Variants in ANO5 observed in about 807,000 individuals in gnomAD.
ANO5 encodes anoctamin-5.
In ANO5, 109 loss-of-function variants were observed where a neutral mutation model predicts 121.0. The observed-to-expected ratio is 0.90, with a 90% CI of 0.77 to 1.06. The LOEUF is 1.06. Ranked by LOEUF, ANO5 falls within the 50% of genes least tolerant of loss-of-function variation. The pLI is 0.00. For synonymous variants in ANO5, 406 were observed against 359.9 expected (o/e 1.13, Z -1.45); for missense variants, 1,064 against 1,078.5 (o/e 0.99, Z 0.19).
At chr11:22,277,465 A>T (rs187366731) in intron 21 of ANO5, among the ~76,000 whole-genome samples, 7 of 151,718 alleles carry the variant, frequency 4.6e-5, no homozygotes, top group African/African-American at 1.7e-4. Context: ...TTAATATTTA[A>T]TCTCAATTCT....
At chr11:22,226,303 G>A (rs1852830354) in intron 6 of ANO5, among the ~76,000 whole-genome samples, 2 of 152,034 alleles carry the variant, frequency 1.3e-5, no homozygotes, top group Admixed American at 1.3e-4. Context: ...GAAAGAAGAT[G>A]TGGACTTTTT....
At chr11:22,253,930 G>A (rs1275457982) in intron 12 of ANO5, among the ~76,000 whole-genome samples, 1 of 152,116 alleles carries the variant, frequency 6.6e-6, no homozygotes, top group Non-Finnish European at 1.5e-5. Context: ...TAATCAATAA[G>A]CATACTTTAA....
chr11:22,274,889 T>G, intron 20 of ANO5, 142 bp downstream of exon 20: 1 of 1,148,168 alleles, frequency 8.7e-7, no homozygotes, highest in Non-Finnish European at 1.3e-6. Context: ...GTATCCATTC[T>G]AGAATTCACA....
At position 22,277,600 on chromosome 11, in the gene ANO5, T is replaced by C. The variant is rs1011484349; in HGVS notation, c.2520+1401T>C. On this transcript the variant is annotated intron_variant, in intron 21 of 21. Coordinates refer to ENST00000324559, the MANE Select transcript of ANO5 (RefSeq NM_213599.3). ...TTTCCTGTCTTATATTCTGAACATA[T>C]TTCTTTTATTATAATTGTACTTTTC... Among the ~76,000 whole-genome samples, 6 of 151,548 alleles carry C rather than the reference T, an allele frequency of 4.0e-5. 1 individual carries two copies. Among genetic ancestry groups the C allele is most frequent in the Non-Finnish European group, 5.9e-5 (4 of 67,636 alleles).
intron 17 of ANO5, among the ~76,000 whole-genome samples, chr11:22,266,960 G>A (rs7931070): frequency 2.0e-5 from 3 of 152,004 alleles, no homozygotes; most frequent in East Asian, 1.9e-4. Flanking sequence ...TGGAAACCAC[G>A]GCTTTAGATG....
chr11:22,223,237 C>T (rs4414211), intron 5 of ANO5, among the ~76,000 whole-genome samples: 104,987 of 151,794 alleles, frequency 0.69, 37,849 homozygotes, highest in Non-Finnish European at 0.81. Flanking sequence ...CTTATGGAGA[C>T]GTTTTATTAC....
chr11:22,274,163 TACACACAC>T (rs34022294), intron 19 of ANO5, among the ~76,000 whole-genome samples: 10 of 143,844 alleles, frequency 7.0e-5, no homozygotes, highest in African/African-American at 2.1e-4. Flanking sequence ...GTTAATCTCT[TACACACAC>T]ACACACACAC....
intron 1 of ANO5, among the ~76,000 whole-genome samples, chr11:22,203,177 A>G (rs1390759616): frequency 1.3e-5 from 2 of 150,334 alleles, no homozygotes; most frequent in Non-Finnish European, 2.9e-5. Flanking sequence ...CAAAAAAAAT[A>G]TATAGGAAGT....
chr11:22,243,110 G>T (rs1046787909), intron 9 of ANO5, among the ~76,000 whole-genome samples: 1 of 151,742 alleles, frequency 6.6e-6, no homozygotes, highest in Non-Finnish European at 1.5e-5. Context: ...TTTTAATCAT[G>T]AATGGAAAGG....
chr11:22,236,091 T>G, intron 7 of ANO5, 72 bp from the exon 8 acceptor site: 2 of 989,414 alleles, frequency 2.0e-6, no homozygotes, highest in Non-Finnish European at 3.2e-6. Context: ...CATTGTTAAA[T>G]TGTGATTGAA....
chr11:22,257,824 A>AC (rs1317443879), intron 14 of ANO5, 70 bp downstream of exon 14: 2 of 1,285,994 alleles, frequency 1.6e-6, no homozygotes, highest in African/African-American at 2.9e-5. Flanking sequence ...CAACAGTGTT[A>AC]CCTACAATGT....
intron 20 of ANO5, 59 bp downstream of exon 20, chr11:22,274,806 G>T: frequency 1.9e-6 from 3 of 1,568,114 alleles, no homozygotes; most frequent in Non-Finnish European, 2.6e-6. Context: ...TATTTCTTAA[G>T]TTATCTATTA....
intron 20 of ANO5, 125 bp from the exon 21 acceptor site, chr11:22,275,969 T>C: frequency 1.4e-6 from 1 of 692,116 alleles, no homozygotes; most frequent in South Asian, 1.7e-5. Flanking sequence ...TCAGTTAACT[T>C]TGACCTGATT....
chr11:22,276,177 T>A lies in ANO5; in HGVS notation c.2498T>A (p.Met833Lys), dbSNP rs142073798. Residue 833 changes from methionine to lysine, a missense_variant, in exon 21 of 22, where the codon ATG (methionine) becomes AAG (lysine). Coordinates refer to ENST00000324559, the MANE Select transcript of ANO5 (RefSeq NM_213599.3). ...MQFWHVLAAK[M>K]TFIIVMEHVV... ...TTCTGGCATGTCCTTGCTGCCAAGA[T>A]GACCTTCATCATTGTTATGGAAGTA... 1.0e-4 allele frequency: 163 copies of A among 1,610,652 alleles called. No individual in the cohort carries two copies. The highest frequency in any genetic ancestry group is 8.7e-5 in the Non-Finnish European group (103 of 1,177,430).
chr11:22,282,950 A>G lies in ANO5; in HGVS notation c.*3185A>G, dbSNP rs1171103103. ...AAAAGTACCATTGGCCAGCCTTACA[A>G]GTCAGCCACAATGAGTCGGTATAAC... On this transcript the variant is annotated 3_prime_UTR_variant, in exon 22 of 22. Transcript: ENST00000324559. 2 of 152,226 alleles carry G rather than the reference A, an allele frequency of 1.3e-5. No individual in the cohort carries two copies. The highest frequency in any genetic ancestry group is 4.8e-5 in the African/African-American group (2 of 41,472). 9.4% of individuals were successfully genotyped at this position (152,226 alleles called of 1,614,324 possible). A position where few individuals can be genotyped will look rare whatever the true frequency, so the allele number is the denominator to read the frequency against.
At chr11:22,228,272 G>A (rs770778296) in intron 7 of ANO5, among the ~76,000 whole-genome samples, 8 of 151,702 alleles carry the variant, frequency 5.3e-5, no homozygotes, top group South Asian at 2.1e-4. Flanking sequence ...TTCAACAAGC[G>A]TTAAGATGTT....
chr11:22,236,901 G>A (rs1046818815), intron 8 of ANO5, among the ~76,000 whole-genome samples: 2 of 152,150 alleles, frequency 1.3e-5, no homozygotes, highest in Admixed American at 6.6e-5. Flanking sequence ...CAAAAACATT[G>A]AGTTTATAAG....
At chr11:22,205,900 A>G (rs1852105798) in intron 2 of ANO5, among the ~76,000 whole-genome samples, 1 of 152,142 alleles carries the variant, frequency 6.6e-6, no homozygotes, top group Non-Finnish European at 1.5e-5. Flanking sequence ...AGCACAAACT[A>G]CTATAATCCA....
intron 6 of ANO5, among the ~76,000 whole-genome samples, 182 bp from the exon 7 acceptor site, chr11:22,227,120 A>C (rs1399199376): frequency 6.6e-6 from 1 of 151,070 alleles, no homozygotes; most frequent in Non-Finnish European, 1.5e-5. Flanking sequence ...ACATATATAC[A>C]TGTTTTTGTA....
Sources: allele counts gnomAD v4.1 joint callset (sites outside exome capture counted in the v4.1 genomes callset), GRCh38; gene constraint gnomAD v4.1.1; transcripts MANE v1.5; gene names NCBI Gene and HGNC (gene_info 2026-07-23, HGNC 2026-07-21).